The following FANCC variants were observed in gnomAD, a reference collection of about 807,000 sequenced individuals.
FANCC encodes the protein Fanconi anemia group C protein.
FANCC carries 55 observed loss-of-function variants against 71.3 expected under a neutral mutation model. The ratio of observed to expected loss-of-function variants is 0.77; its 90% CI spans 0.62 to 0.97. The LOEUF (loss-of-function observed/expected upper bound fraction) is 0.97. Among genes scored for constraint, FANCC ranks in the 50% least tolerant of loss-of-function variants. FANCC has a pLI of 0.00. For missense variants in FANCC, 678 were observed against 670.9 expected (o/e 1.01, Z -0.12); for synonymous variants, 275 against 244.9 (o/e 1.12, Z -1.15).
At chr9:95,220,191 T>C (rs1348247365) in intron 4 of FANCC, among the ~76,000 whole-genome samples, 2 of 152,156 alleles carry the variant, frequency 1.3e-5, no homozygotes, top group Non-Finnish European at 2.9e-5. Flanking sequence ...CCAGTTAGAA[T>C]GGCAATCATT....
At chr9:95,282,056 A>G (rs192550884) in intron 1 of FANCC, among the ~76,000 whole-genome samples, 1 of 152,166 alleles carries the variant, frequency 6.6e-6, no homozygotes, top group East Asian at 1.9e-4. Context: ...ACCTACCAAT[A>G]ATTACTTTGA....
At chr9:95,310,391 G>C (rs889471777) in intron 1 of FANCC, among the ~76,000 whole-genome samples, 2 of 151,810 alleles carry the variant, frequency 1.3e-5, no homozygotes, top group Admixed American at 1.3e-4. Flanking sequence ...AGGAGGGGGG[G>C]AATTCGTTGG....
chr9:95,186,025 T>C (rs193001398), intron 4 of FANCC, among the ~76,000 whole-genome samples: 2 of 152,160 alleles, frequency 1.3e-5, no homozygotes, highest in East Asian at 1.9e-4. Flanking sequence ...TTTGTTTTTG[T>C]TTTTTAGGAG....
At chr9:95,269,062 T>C (rs1352311545) in intron 1 of FANCC, among the ~76,000 whole-genome samples, 1 of 152,180 alleles carries the variant, frequency 6.6e-6, no homozygotes, top group Non-Finnish European at 1.5e-5. Flanking sequence ...TGGCTGTGTC[T>C]CTTTCTTTTA....
chr9:95,312,725 A>C (rs2136428455), intron 1 of FANCC, among the ~76,000 whole-genome samples: 1 of 152,376 alleles, frequency 6.6e-6, no homozygotes, highest in Non-Finnish European at 1.5e-5. Flanking sequence ...AGAATTCTAC[A>C]AAACACAGGA....
At chr9:95,244,858 T>C (rs931950172) in intron 3 of FANCC, among the ~76,000 whole-genome samples, 1 of 151,964 alleles carries the variant, frequency 6.6e-6, no homozygotes, top group Admixed American at 6.6e-5. Flanking sequence ...TAAAGTCACA[T>C]GAGGAGTGGG....
At chr9:95,170,681 G>GTGTGT (rs1240368520) in intron 6 of FANCC, among the ~76,000 whole-genome samples, 2 of 22,774 alleles carry the variant, frequency 8.8e-5, no homozygotes, top group African/African-American at 2.7e-4. Flanking sequence ...TGTGTGTGTT[G>GTGTGT]GGAGCAGAAG....
intron 8 of FANCC, among the ~76,000 whole-genome samples, chr9:95,130,439 A>T (rs80066310): frequency 0.01 from 1,594 of 152,346 alleles, 30 homozygotes; most frequent in African/African-American, 0.037. Flanking sequence ...GCAGTGAAGG[A>T]ACAGAAAAAA....
chr9:95,122,673 C>A (rs1393336122), intron 10 of FANCC, among the ~76,000 whole-genome samples: 1 of 152,172 alleles, frequency 6.6e-6, no homozygotes, highest in Admixed American at 6.5e-5. Context: ...CCACGGCCAA[C>A]ATAGAGGCTG....
intron 10 of FANCC, among the ~76,000 whole-genome samples, chr9:95,118,351 A>T (rs527912098): frequency 6.6e-6 from 1 of 152,376 alleles, no homozygotes; most frequent in Admixed American, 6.5e-5. Flanking sequence ...ACAAAAGTGT[A>T]AAACTGTGCT....
intron 6 of FANCC, among the ~76,000 whole-genome samples, chr9:95,169,238 TGTTA>T (rs1376954908): frequency 6.6e-6 from 1 of 152,130 alleles, no homozygotes; most frequent in Non-Finnish European, 1.5e-5. Flanking sequence ...AAAAAATTTC[TGTTA>T]GTTTTGTCGT....
At chr9:95,143,893 T>C (rs1265975401) in intron 7 of FANCC, among the ~76,000 whole-genome samples, 1 of 152,202 alleles carries the variant, frequency 6.6e-6, no homozygotes, top group Non-Finnish European at 1.5e-5. Context: ...TAAAAGTTCC[T>C]CTAGGTTATC....
chr9:95,129,619 ATC>A (rs1826571535), intron 8 of FANCC, among the ~76,000 whole-genome samples: 1 of 152,124 alleles, frequency 6.6e-6, no homozygotes, highest in African/African-American at 2.4e-5. Context: ...TGTGGTTTCC[ATC>A]TGTTTGTTTT....
intron 10 of FANCC, 123 bp downstream of exon 10, chr9:95,124,963 A>C: frequency 1.2e-6 from 1 of 827,512 alleles, no homozygotes; most frequent in Non-Finnish European, 2.0e-6. Context: ...ACTCATTAGG[A>C]ACCTTTCTTT....
At chr9:95,155,287 A>AAGGGGAGGGGAGGGG (rs1564702944) in intron 6 of FANCC, among the ~76,000 whole-genome samples, 6 of 24,038 alleles carry the variant, frequency 2.5e-4, no homozygotes, top group Admixed American at 1.0e-3. Flanking sequence ...GAGGGGAAGG[A>AAGGGGAGGGGAGGGG]AGGGGACGGA....
At chr9:95,305,154 T>C (rs1358452716) in intron 1 of FANCC, among the ~76,000 whole-genome samples, 1 of 152,156 alleles carries the variant, frequency 6.6e-6, no homozygotes, top group African/African-American at 2.4e-5. Context: ...TGGAATTTAA[T>C]GCAATTACCA....
chr9:95,269,824 G>A (rs532936426), intron 1 of FANCC, among the ~76,000 whole-genome samples: 117 of 152,204 alleles, frequency 7.7e-4, no homozygotes, highest in African/African-American at 2.7e-3. Context: ...AAGGTGGGAC[G>A]AGAGATTTGG....
intron 7 of FANCC, among the ~76,000 whole-genome samples, chr9:95,140,290 T>G (rs1828441275): frequency 6.6e-6 from 1 of 152,110 alleles, no homozygotes; most frequent in Non-Finnish European, 1.5e-5. Context: ...CGCTCTCCCC[T>G]GTCCAACAGA....
intron 1 of FANCC, among the ~76,000 whole-genome samples, chr9:95,309,967 C>CA (rs1835289267): frequency 6.6e-6 from 1 of 152,214 alleles, no homozygotes; most frequent in Non-Finnish European, 1.5e-5. Context: ...AGAACAATCA[C>CA]AATGTCCTAC....
Sources: allele counts gnomAD v4.1 joint callset (sites outside exome capture counted in the v4.1 genomes callset), GRCh38; gene constraint gnomAD v4.1.1; transcripts MANE v1.5; gene names NCBI Gene and HGNC (gene_info 2026-07-23, HGNC 2026-07-21).